Variants in DPP10 observed in about 807,000 individuals in gnomAD.
The protein encoded by DPP10 is inactive dipeptidyl peptidase 10.
DPP10 carries 33 observed loss-of-function variants against 120.9 expected under a neutral mutation model. That is an observed-to-expected ratio of 0.27 (90% CI 0.21 to 0.37). DPP10 has a LOEUF of 0.37. Among genes scored for constraint, DPP10 ranks in the 10% least tolerant of loss-of-function variants. The pLI, the probability that DPP10 is intolerant of heterozygous loss-of-function variation, is 1.00. For missense variants in DPP10, 816 were observed against 942.8 expected (o/e 0.87, Z 1.76); for synonymous variants, 337 against 326.1 (o/e 1.03, Z -0.36).
intron 1 of DPP10, among the ~76,000 whole-genome samples, chr2:115,003,285 T>C (rs143750399): frequency 1.3e-5 from 2 of 151,806 alleles, no homozygotes; most frequent in African/African-American, 4.8e-5. Context: ...AAATACTGCA[T>C]GTTCTCACTT....
intron 1 of DPP10, among the ~76,000 whole-genome samples, chr2:114,649,986 C>A (rs886411153): frequency 1.3e-5 from 2 of 152,064 alleles, no homozygotes; most frequent in Non-Finnish European, 2.9e-5. Flanking sequence ...ACTAGGAGAA[C>A]AAGTTTTGCC....
intron 1 of DPP10, among the ~76,000 whole-genome samples, chr2:114,837,205 A>G (rs980454755): frequency 5.3e-5 from 8 of 152,198 alleles, no homozygotes; most frequent in Non-Finnish European, 8.8e-5. Flanking sequence ...AATCTTCACA[A>G]TCTATGTTCA....
intron 1 of DPP10, among the ~76,000 whole-genome samples, chr2:114,568,248 G>C (rs1689362494): frequency 6.6e-6 from 1 of 152,030 alleles, no homozygotes; most frequent in Non-Finnish European, 1.5e-5. Flanking sequence ...TGATGATCAA[G>C]TCAGGGTATT....
chr2:114,544,747 A>T (rs1367625222), intron 1 of DPP10, among the ~76,000 whole-genome samples: 1 of 152,148 alleles, frequency 6.6e-6, no homozygotes, highest in Non-Finnish European at 1.5e-5. Flanking sequence ...CTACATAGCA[A>T]TATATTATTA....
At chr2:115,178,902 T>A (rs1386002412) in intron 1 of DPP10, among the ~76,000 whole-genome samples, 2 of 152,200 alleles carry the variant, frequency 1.3e-5, no homozygotes, top group Non-Finnish European at 2.9e-5. Flanking sequence ...CTCTACCTAT[T>A]ATGGGATTGT....
chr2:114,905,626 C>A (rs940609767), intron 1 of DPP10, among the ~76,000 whole-genome samples: 1 of 152,174 alleles, frequency 6.6e-6, no homozygotes, highest in Non-Finnish European at 1.5e-5. Flanking sequence ...CCTCTCCCTT[C>A]TCCCACCCTG....
At chr2:114,868,105 G>A (rs1446996221) in intron 1 of DPP10, among the ~76,000 whole-genome samples, 1 of 152,156 alleles carries the variant, frequency 6.6e-6, no homozygotes, top group Non-Finnish European at 1.5e-5. Flanking sequence ...ATGGTCAAAA[G>A]TTGCTTAGCA....
At chr2:114,551,573 C>T (rs116489338) in intron 1 of DPP10, among the ~76,000 whole-genome samples, 1,699 of 152,280 alleles carry the variant, frequency 0.011, 38 homozygotes, top group African/African-American at 0.038. Flanking sequence ...GCTCAGCCAG[C>T]ACCCTTCTGA....
chr2:115,260,002 T>C (rs1418498265), intron 1 of DPP10, among the ~76,000 whole-genome samples: 9 of 151,460 alleles, frequency 5.9e-5, no homozygotes, highest in Non-Finnish European at 1.2e-4. Flanking sequence ...AATTACACTT[T>C]TAAAAATGAT....
intron 1 of DPP10, among the ~76,000 whole-genome samples, chr2:115,117,670 T>C (rs1364311475): frequency 6.6e-6 from 1 of 152,192 alleles, no homozygotes. Flanking sequence ...AGTACTGACT[T>C]GTACATAGAT....
At chr2:114,806,588 A>G (rs550534816) in intron 1 of DPP10, among the ~76,000 whole-genome samples, 1 of 152,312 alleles carries the variant, frequency 6.6e-6, no homozygotes, top group African/African-American at 2.4e-5. Context: ...TTGTTCTTAG[A>G]TCGTTATGAG....
chr2:115,177,915 C>T (rs1331247116), intron 1 of DPP10, among the ~76,000 whole-genome samples: 3 of 152,210 alleles, frequency 2.0e-5, no homozygotes, highest in Admixed American at 1.3e-4. Context: ...AGGTGCCCGC[C>T]ACCACGCCCG....
At chr2:115,264,836 T>C (rs57336457) in intron 1 of DPP10, among the ~76,000 whole-genome samples, 29,123 of 152,138 alleles carry the variant, frequency 0.19, 3,129 homozygotes, top group East Asian at 0.36. Flanking sequence ...ATCTACATGA[T>C]GATTGTGAAA....
intron 1 of DPP10, among the ~76,000 whole-genome samples, chr2:114,482,538 T>G (rs1461078027): frequency 6.6e-6 from 1 of 152,152 alleles, no homozygotes; most frequent in Non-Finnish European, 1.5e-5. Flanking sequence ...GGTTCTGATC[T>G]GGACCAAAGT....
chr2:114,881,457 G>GTCTAACTA (rs1553447174), intron 1 of DPP10, among the ~76,000 whole-genome samples: 2 of 144,214 alleles, frequency 1.4e-5, no homozygotes, highest in African/African-American at 5.3e-5. Flanking sequence ...CTGTCTGTCT[G>GTCTAACTA]TCTATCTATC....
At chr2:114,834,520 A>C (rs113500946) in intron 1 of DPP10, among the ~76,000 whole-genome samples, 3,740 of 86,794 alleles carry the variant, frequency 0.043, 183 homozygotes, top group African/African-American at 0.13. Flanking sequence ...TATATATAAG[A>C]CATATCTACG....
At chr2:115,709,211 A>G (rs1366802800) in intron 7 of DPP10, among the ~76,000 whole-genome samples, 1 of 152,042 alleles carries the variant, frequency 6.6e-6, no homozygotes, top group Non-Finnish European at 1.5e-5. Flanking sequence ...GTGGGTATCA[A>G]GTAAGTTGAA....
At chr2:114,682,817 T>C (rs952287882) in intron 1 of DPP10, among the ~76,000 whole-genome samples, 1 of 151,666 alleles carries the variant, frequency 6.6e-6, no homozygotes, top group South Asian at 2.1e-4. Flanking sequence ...TCTATCTAGA[T>C]ATAGAATCAC....
At position 115,842,408 on chromosome 2, in the gene DPP10, T is replaced by C; in HGVS notation, c.*63T>C. Reference sequence around the variant, plus strand: ...GCTCAATGAAACCTGACAAAGAGACTGTAATATTGTAGTTGCTCCAGAATG... The same window carrying C: ...GCTCAATGAAACCTGACAAAGAGACCGTAATATTGTAGTTGCTCCAGAATG... On this transcript the variant is annotated 3_prime_UTR_variant, in exon 26 of 26. Transcript: ENST00000410059. 6.5e-7 allele frequency: 1 copy of C among 1,539,512 alleles called. No homozygotes were observed. Among genetic ancestry groups the C allele is most frequent in the South Asian group, 1.2e-5 (1 of 81,530 alleles).
Sources: gnomAD v4.1 joint callset for allele counts (sites outside exome capture counted in the v4.1 genomes callset) on GRCh38, gnomAD v4.1.1 for gene constraint, MANE v1.5 for transcripts, NCBI Gene and HGNC (gene_info 2026-07-23, HGNC 2026-07-21) for gene names.